The following BDP1 variants were observed in gnomAD, a reference collection of about 807,000 sequenced individuals.
BDP1 encodes BDP1 general transcription factor IIIB subunit.
In BDP1, 169 loss-of-function variants were observed where a neutral mutation model predicts 266.6. That is an observed-to-expected ratio of 0.63 (90% CI 0.56 to 0.72). The LOEUF is 0.72. Among genes scored for constraint, BDP1 ranks in the 30% least tolerant of loss-of-function variants. The pLI is 0.00. For synonymous variants in BDP1, 1,090 were observed against 1,022.4 expected, an observed-to-expected ratio of 1.07 and a Z score of -1.26; for missense variants, 3,015 against 3,053.8, an observed-to-expected ratio of 0.99 and a Z score of 0.30.
downstream of BDP1, among the ~76,000 whole-genome samples, chr5:71,571,269 C>G (rs1364330912): frequency 6.6e-6 from 1 of 152,196 alleles, no homozygotes; most frequent in Non-Finnish European, 1.5e-5. Context: ...CTTTGCCTCC[C>G]AAGTAGCTGG....
chr5:71,559,873 T>C lies in BDP1; in HGVS notation c.7241-109T>C. Reference sequence around the variant, plus strand: ...CTAATGATAATTTAGCTTACTCTTATTAGGGTAGGTTTATTATAGAATACC... The same window carrying C: ...CTAATGATAATTTAGCTTACTCTTACTAGGGTAGGTTTATTATAGAATACC... On this transcript the variant is annotated intron_variant, in intron 36 of 38. Transcript: ENST00000358731. 3 of 1,080,660 alleles carry C rather than the reference T, an allele frequency of 2.8e-6. No homozygotes were observed. The East Asian group carries it at 7.2e-5, about 26-fold the overall frequency. The allele number at this position is 1,080,660 out of a possible 1,614,324, so 66.9% of individuals were successfully genotyped here.
intron 31 of BDP1, among the ~76,000 whole-genome samples, 160 bp from the exon 32 acceptor site, chr5:71,544,879 C>CA (rs141573220): frequency 0.021 from 585 of 28,494 alleles, 113 homozygotes; most frequent in African/African-American, 0.064. Flanking sequence ...GACTCTGTCT[C>CA]AAAAAAAAAA....
At position 71,499,242 on chromosome 5, in the gene BDP1, G is replaced by GGC. The variant is rs568628037; in HGVS notation, c.1956+1823_1956+1824dup. On this transcript the variant is annotated intron_variant, in intron 13 of 38. Coordinates refer to ENST00000358731, the MANE Select transcript of BDP1 (RefSeq NM_018429.3). ...AGCCTTCCAAGTAGCTGAGATTACA[G>GGC]GCGCGCGCCTCTATGCCCAGCCAAT... Among the ~76,000 whole-genome samples the GGC allele has an allele frequency of 1.6e-3, 251 of 152,282 alleles. 1 individual carries two copies. The highest frequency in any genetic ancestry group is 5.7e-3 in the African/African-American group (238 of 41,544).
intron 7 of BDP1, among the ~76,000 whole-genome samples, chr5:71,480,080 G>A (rs1376888668): frequency 1.3e-5 from 2 of 151,510 alleles, no homozygotes; most frequent in Non-Finnish European, 2.9e-5. Context: ...GAGTAGCTGG[G>A]ACTACAGGTG....
rs1299064251 is a variant in BDP1 at position 71,567,572 on chromosome 5, T to C, written c.*2687T>C. On this transcript the variant is annotated 3_prime_UTR_variant, in exon 39 of 39. Coordinates refer to ENST00000358731, the MANE Select transcript of BDP1 (RefSeq NM_018429.3). ...CTTGACTTTTTCTCCTGAACACTTATGTCTTAGCAAGTGGTCAACATGAGG... is the reference window on the plus strand; with the variant it reads ...CTTGACTTTTTCTCCTGAACACTTACGTCTTAGCAAGTGGTCAACATGAGG... 2 of 152,636 alleles carry C rather than the reference T, an allele frequency of 1.3e-5. No homozygotes were observed. The highest frequency in any genetic ancestry group is 2.4e-5 in the African/African-American group (1 of 41,458). The allele number at this position is 152,636 out of a possible 1,614,324, so 9.5% of individuals were successfully genotyped here.
chr5:71,464,243 C>T, intron 4 of BDP1, 126 bp downstream of exon 4: 5 of 604,522 alleles, frequency 8.3e-6, no homozygotes, highest in Non-Finnish European at 1.4e-5. Flanking sequence ...CTCCTGTAAT[C>T]TCAGCACTTT....
At position 71,490,984 on chromosome 5, in the gene BDP1, A is replaced by G. The variant is rs757175568; in HGVS notation, c.1493A>G (p.Asn498Ser). 1.9e-6 allele frequency: 3 copies of G among 1,591,166 alleles called. No individual in the cohort carries two copies. The highest frequency in any genetic ancestry group is 1.7e-6 in the Non-Finnish European group (2 of 1,171,052). Residue 498 changes from asparagine (N) to serine (S), a missense_variant and splice_region_variant, in exon 11 of 39, where the codon AAT (asparagine) becomes AGT (serine). This residue lies in a region of BDP1 where 2,383 missense variants were observed against 2,404.9 expected (regional missense o/e 0.99). Coordinates refer to ENST00000358731, the MANE Select transcript of BDP1 (RefSeq NM_018429.3). ...AGPSKGEKHK[N>S]KCQAIRPELK... ...AATAACATGCATTTTGTATTTGTAG[A>G]TAAATGTCAGGCTATAAGGCCTGAG...
At position 71,489,475 on chromosome 5, in the gene BDP1, G is replaced by A; in HGVS notation, c.1285G>A (p.Glu429Lys). The A allele has an allele frequency of 6.2e-7, 1 of 1,614,032 alleles. No homozygotes were observed. Among genetic ancestry groups the A allele is most frequent in the South Asian group, 1.1e-5 (1 of 91,076 alleles). Residue 429 changes from glutamate to lysine, a missense_variant, in exon 10 of 39, where the codon GAA (glutamate) becomes AAA (lysine). Around this residue, in one of 3 missense-constraint regions of BDP1, gnomAD observed 2,383 missense variants for 2,404.9 expected, o/e 0.99. Transcript: ENST00000358731. ...TATGAGTTCTAGAATTTCAGACACG[G>A]AAAGATCTCAGAAGGATGCTCAGAC... ...ESMSSRISDT[E>K]RSQKDAQTVE...
At chr5:71,493,680 C>T (rs938495463) in intron 11 of BDP1, among the ~76,000 whole-genome samples, 2 of 152,160 alleles carry the variant, frequency 1.3e-5, no homozygotes, top group African/African-American at 4.8e-5. Context: ...ACCAACTTTG[C>T]AGAGGGACTG....
intron 5 of BDP1, among the ~76,000 whole-genome samples, chr5:71,467,095 G>A (rs764778900): frequency 3.9e-5 from 6 of 152,112 alleles, no homozygotes; most frequent in Admixed American, 2.0e-4. Context: ...TTTATAATAC[G>A]TAGCCCAAAG....
At chr5:71,555,094 A>G (rs1743122367) in intron 35 of BDP1, among the ~76,000 whole-genome samples, 1 of 152,144 alleles carries the variant, frequency 6.6e-6, no homozygotes, top group Non-Finnish European at 1.5e-5. Flanking sequence ...ATTTTCCATA[A>G]TCAGATTTAT....
Position 71,461,944 on chromosome 5 carries a change from C to A in BDP1, c.599+18C>A. On this transcript the variant is annotated intron_variant, in intron 3 of 38. Coordinates refer to ENST00000358731, the MANE Select transcript of BDP1 (RefSeq NM_018429.3). Reference sequence around the variant, plus strand: ...CCAATGACGTAAGTAAAATTTATTTCTGCTTTACTATCTCTTTTTTTTTTT... The same window carrying A: ...CCAATGACGTAAGTAAAATTTATTTATGCTTTACTATCTCTTTTTTTTTTT... The A allele has an allele frequency of 2.9e-4, 249 of 850,236 alleles. No individual in the cohort carries two copies. Among genetic ancestry groups the A allele is most frequent in the Non-Finnish European group, 4.5e-4 (233 of 520,844 alleles). 52.7% of individuals were successfully genotyped at this position (850,236 alleles called of 1,614,324 possible).
intron 36 of BDP1, among the ~76,000 whole-genome samples, chr5:71,558,248 T>C (rs771878994): frequency 2.8e-4 from 36 of 129,228 alleles, no homozygotes; most frequent in Non-Finnish European, 4.6e-4. Context: ...AAAACACTTA[T>C]AATGGGCCAG....
At chr5:71,541,165 C>A (rs1039631938) in intron 28 of BDP1, among the ~76,000 whole-genome samples, 2 of 152,010 alleles carry the variant, frequency 1.3e-5, no homozygotes, top group African/African-American at 4.8e-5. Flanking sequence ...TATATAATTA[C>A]TGAAAGTAAC....
At position 71,522,740 on chromosome 5, in the gene BDP1, T is replaced by A. The variant is rs1178600783; in HGVS notation, c.5194-16T>A. ...GTTTCTGTAGTAATACTAGCTAATT[T>A]CTTCTTAAATTTAAGGAAAAAGCTG... On this transcript the variant is annotated splice_polypyrimidine_tract_variant and intron_variant, in intron 23 of 38. Transcript: ENST00000358731. The A allele has an allele frequency of 6.3e-7, 1 of 1,575,378 alleles. No individual in the cohort carries two copies. Among genetic ancestry groups the A allele is most frequent in the African/African-American group, 1.4e-5 (1 of 72,612 alleles).
At chr5:71,576,302 C>G in the BDP1 span, among the ~76,000 whole-genome samples, 1 of 152,124 alleles carries the variant, frequency 6.6e-6, no homozygotes, top group Non-Finnish European at 1.5e-5. Context: ...ACCCCTAACT[C>G]CACCTGACAT....
Position 71,533,044 on chromosome 5 carries a change from G to A in BDP1, c.5892+617G>A, listed in dbSNP as rs563372656. 5.3e-5 allele frequency among the ~76,000 whole-genome samples: 8 copies of A among 152,188 alleles called. No homozygotes were observed. In the South Asian group the frequency reaches 1.7e-3, roughly 32 times the overall value. On this transcript the variant is annotated intron_variant, in intron 26 of 38. Coordinates refer to ENST00000358731, the MANE Select transcript of BDP1 (RefSeq NM_018429.3). ...GAAATTATAAAATCTGATCATTTGT[G>A]TCTGGCTTTTTTCACTTAATGTAAC...
chr5:71,459,232 C>T (rs1026397212), intron 2 of BDP1, among the ~76,000 whole-genome samples: 2 of 152,168 alleles, frequency 1.3e-5, no homozygotes, highest in Admixed American at 6.5e-5. Context: ...CAAGTATAGG[C>T]CGGGCGTGGT....
intron 19 of BDP1, among the ~76,000 whole-genome samples, chr5:71,513,864 G>A (rs1357024565): frequency 4.6e-5 from 7 of 151,810 alleles, no homozygotes; most frequent in Non-Finnish European, 8.8e-5. Context: ...GACTACAGGC[G>A]CGTGCTGCCA....
Sources: gnomAD v4.1 joint callset for allele counts (sites outside exome capture counted in the v4.1 genomes callset) on GRCh38, gnomAD v4.1.1 for gene constraint, gnomAD v4.1.1 regional missense constraint, MANE v1.5 for transcripts, NCBI Gene and HGNC (gene_info 2026-07-23, HGNC 2026-07-21) for gene names.